LIN28A: variants seen among roughly 807,000 people sequenced by gnomAD.
The protein encoded by LIN28A is lin-28 RNA binding posttranscriptional regulator A.
LIN28A carries 11 observed loss-of-function variants against 21.1 expected under a neutral mutation model. That is an observed-to-expected ratio of 0.52 (90% CI 0.33 to 0.86). LIN28A has a LOEUF of 0.86. Ranked by LOEUF, LIN28A falls within the 40% of genes least tolerant of loss-of-function variation. The pLI, the probability that LIN28A is intolerant of heterozygous loss-of-function variation, is 0.03. For synonymous variants in LIN28A, 111 were observed against 108.7 expected, an observed-to-expected ratio of 1.02 and a Z score of -0.13; for missense variants, 219 against 279.8, an observed-to-expected ratio of 0.78 and a Z score of 1.55.
intron 2 of LIN28A, among the ~76,000 whole-genome samples, chr1:26,414,919 TAA>T (rs1237740769): frequency 6.6e-6 from 1 of 152,172 alleles, no homozygotes; most frequent in Non-Finnish European, 1.5e-5. Context: ...ACAAGAAAGC[TAA>T]ACTGTCAACT....
At chr1:26,418,517 G>C (rs1210090887) in intron 2 of LIN28A, among the ~76,000 whole-genome samples, 1 of 150,568 alleles carries the variant, frequency 6.6e-6, no homozygotes, top group African/African-American at 2.5e-5. Flanking sequence ...CTGCACTCCG[G>C]CCTGGGCAAC....
At chr1:26,417,361 C>A (rs925999167) in intron 2 of LIN28A, among the ~76,000 whole-genome samples, 1 of 152,182 alleles carries the variant, frequency 6.6e-6, no homozygotes. Context: ...CACACACCAT[C>A]GAATAACTGC....
chr1:26,417,055 G>GT (rs1392015603), intron 2 of LIN28A, among the ~76,000 whole-genome samples: 1 of 150,740 alleles, frequency 6.6e-6, no homozygotes, highest in Non-Finnish European at 1.5e-5. Flanking sequence ...TGGGGGCAGG[G>GT]TGGGACGGGG....
At chr1:26,423,314 T>C (rs1384756301) in intron 2 of LIN28A, among the ~76,000 whole-genome samples, 2 of 152,074 alleles carry the variant, frequency 1.3e-5, no homozygotes, top group Admixed American at 6.6e-5. Flanking sequence ...AGTGCTGGGA[T>C]TACAGACAGG....
chr1:26,415,488 G>C (rs1433535859), intron 2 of LIN28A, among the ~76,000 whole-genome samples: 5 of 152,166 alleles, frequency 3.3e-5, no homozygotes, highest in Admixed American at 3.3e-4. Context: ...TCTTTGAAGG[G>C]AGGAACTTAG....
intron 2 of LIN28A, among the ~76,000 whole-genome samples, chr1:26,418,047 C>G (rs112116634): frequency 0.02 from 2,840 of 142,306 alleles, 43 homozygotes; most frequent in African/African-American, 0.044. Context: ...ATAATGTTTT[C>G]TTTTGTTTTT....
chr1:26,417,385 G>A (rs180767295), intron 2 of LIN28A, among the ~76,000 whole-genome samples: 230 of 152,240 alleles, frequency 1.5e-3, no homozygotes, highest in South Asian at 2.9e-3. Flanking sequence ...TGGGAGAACC[G>A]GTTGGTTCTC....
intron 2 of LIN28A, among the ~76,000 whole-genome samples, chr1:26,419,428 T>C (rs1189965774): frequency 6.6e-6 from 1 of 152,082 alleles, no homozygotes; most frequent in African/African-American, 2.4e-5. Context: ...ATGTCCCCAT[T>C]TATATGATCC....
At chr1:26,424,034 T>C (rs1020253895) in intron 2 of LIN28A, among the ~76,000 whole-genome samples, 3 of 151,916 alleles carry the variant, frequency 2.0e-5, no homozygotes, top group African/African-American at 7.3e-5. Context: ...GTGCTGGGAT[T>C]ACAGGCGTGA....
intron 2 of LIN28A, among the ~76,000 whole-genome samples, chr1:26,418,418 A>AATGGTG (rs1304996230): frequency 1.3e-5 from 2 of 151,930 alleles, no homozygotes; most frequent in Non-Finnish European, 2.9e-5. Context: ...TGGTGGCAGG[A>AATGGTG]GCCTGTAGTC....
chr1:26,420,395 C>T (rs551265908), intron 2 of LIN28A, among the ~76,000 whole-genome samples: 16 of 152,114 alleles, frequency 1.1e-4, no homozygotes, highest in Admixed American at 8.5e-4. Context: ...CTTTAGGAGG[C>T]ATGAGGTCAG....
chr1:26,421,587 A>T (rs1191462405), intron 2 of LIN28A, among the ~76,000 whole-genome samples: 2 of 152,178 alleles, frequency 1.3e-5, no homozygotes, highest in Non-Finnish European at 2.9e-5. Context: ...AAATCCTCTG[A>T]AATGTATTTT....
At position 26,411,599 on chromosome 1, in the gene LIN28A, T is replaced by C; in HGVS notation, c.228+17T>C. On this transcript the variant is annotated intron_variant, in intron 2 of 3. Transcript: ENST00000326279. This position sits in a 1 kb window ranked among gnomAD's most constrained non-coding sequence, Gnocchi z 5.4. The stretch of plus-strand genomic sequence containing the variant: ...GTGCACCAGGTGAGACTGATTCCGG[T>C]AACTTTGCCCAGGGAAGGGCGTCTA... 1 of 1,605,852 alleles carries C rather than the reference T, an allele frequency of 6.2e-7. No homozygotes were observed. Among genetic ancestry groups the C allele is most frequent in the Non-Finnish European group, 8.5e-7 (1 of 1,177,186 alleles).
chr1:26,419,095 C>T (rs368185541), intron 2 of LIN28A, among the ~76,000 whole-genome samples: 127 of 140,510 alleles, frequency 9.0e-4, no homozygotes, highest in East Asian at 2.7e-3. Context: ...GGGAAGGGGG[C>T]GGGGCCCTGC....
chr1:26,419,731 G>A (rs769363295), intron 2 of LIN28A, among the ~76,000 whole-genome samples: 23 of 152,146 alleles, frequency 1.5e-4, no homozygotes, highest in Non-Finnish European at 3.1e-4. Flanking sequence ...TTAAAGAAAG[G>A]AGGGAACAGG....
chr1:26,411,907 G>T lies in LIN28A; in HGVS notation c.228+325G>T, dbSNP rs1000406104. Among the ~76,000 whole-genome samples the T allele has an allele frequency of 6.6e-6, 1 of 152,216 alleles. No individual in the cohort carries two copies. The highest frequency in any genetic ancestry group is 2.4e-5 in the African/African-American group (1 of 41,462). On this transcript the variant is annotated intron_variant, in intron 2 of 3. Coordinates refer to ENST00000326279, the MANE Select transcript of LIN28A (RefSeq NM_024674.6). This position sits in a 1 kb window ranked among gnomAD's most constrained non-coding sequence, Gnocchi z 5.4. ...AAACTAAGGTTGTATTGTGCTTGCC[G>T]GTGGGGGGAGGGCGAGCAGGCCGGC... is the stretch of plus-strand genomic sequence containing the variant.
rs980089440 is a variant in LIN28A at position 26,428,273 on chromosome 1, A to C, written c.*1815A>C. On this transcript the variant is annotated 3_prime_UTR_variant, in exon 4 of 4. Transcript: ENST00000326279. ...ATTAGTTTGGGGGGCCCTCTTCTTAAAGTGGGGATCTTGAACCATCCTTTC... is the reference window on the plus strand; with the variant it reads ...ATTAGTTTGGGGGGCCCTCTTCTTACAGTGGGGATCTTGAACCATCCTTTC... 1.3e-4 allele frequency: 20 copies of C among 152,724 alleles called. No homozygotes were observed. Among genetic ancestry groups the C allele is most frequent in the African/African-American group, 4.3e-4 (18 of 41,588 alleles). 9.5% of individuals were successfully genotyped at this position (152,724 alleles called of 1,614,324 possible). A position where few individuals can be genotyped will look rare whatever the true frequency, so the allele number is the denominator to read the frequency against.
chr1:26,421,930 T>C (rs929263478), intron 2 of LIN28A, among the ~76,000 whole-genome samples: 1 of 152,164 alleles, frequency 6.6e-6, no homozygotes, highest in Non-Finnish European at 1.5e-5. Flanking sequence ...GTTTTTTTTT[T>C]GAAACCATAA....
In LIN28A at chr1:26,411,281, C is replaced by A; in HGVS notation, c.32-105C>A. 1 of 1,129,650 alleles carries A rather than the reference C, an allele frequency of 8.9e-7. No individual in the cohort carries two copies. The highest frequency in any genetic ancestry group is 1.2e-6 in the Non-Finnish European group (1 of 821,638). The allele number at this position is 1,129,650 out of a possible 1,614,324, so 70.0% of individuals were successfully genotyped here. On this transcript the variant is annotated intron_variant, in intron 1 of 3. Coordinates refer to ENST00000326279, the MANE Select transcript of LIN28A (RefSeq NM_024674.6). This position sits in a 1 kb window ranked among gnomAD's most constrained non-coding sequence, Gnocchi z 5.4. Reference sequence around the variant, plus strand: ...TTGCTTGGTAGCTGCCCCCTCCTGGCTGTCCACTTGTGGGGCTGGATACTC... The same window carrying A: ...TTGCTTGGTAGCTGCCCCCTCCTGGATGTCCACTTGTGGGGCTGGATACTC...
Sources: gnomAD v4.1 joint callset for allele counts (sites outside exome capture counted in the v4.1 genomes callset) on GRCh38, gnomAD v4.1.1 for gene constraint, Gnocchi (gnomAD v3.1) non-coding constraint, MANE v1.5 for transcripts, NCBI Gene and HGNC (gene_info 2026-07-23, HGNC 2026-07-21) for gene names.